GAD2: variants seen among roughly 807,000 people sequenced by gnomAD.
The protein encoded by GAD2 is 65 kDa glutamic acid decarboxylase.
GAD2 carries 22 observed loss-of-function variants against 80.1 expected under a neutral mutation model. The ratio of observed to expected loss-of-function variants is 0.27; its 90% CI spans 0.20 to 0.39. GAD2 has a LOEUF of 0.39. Among genes scored for constraint, GAD2 ranks in the 10% least tolerant of loss-of-function variants. GAD2 has a pLI of 1.00. For synonymous variants in GAD2, 274 were observed against 256.9 expected, an observed-to-expected ratio of 1.07 and a Z score of -0.64; for missense variants, 624 against 738.4, an observed-to-expected ratio of 0.85 and a Z score of 1.80.
chr10:26,228,368 TTC>T (rs1354879352), intron 6 of GAD2, among the ~76,000 whole-genome samples: 17 of 152,192 alleles, frequency 1.1e-4, no homozygotes, highest in Admixed American at 6.5e-5. Flanking sequence ...GGACTGAAAA[TTC>T]TCTTAGTTGT....
At chr10:26,229,510 C>A (rs763172020) in intron 6 of GAD2, 152 bp from the exon 7 acceptor site, 24 of 607,536 alleles carry the variant, frequency 4.0e-5, no homozygotes, top group Non-Finnish European at 6.4e-5. Context: ...TGGGGTAGCG[C>A]CTTTGAGTCT....
Position 26,303,476 on chromosome 10 carries a change from G to GAAATGA in GAD2, c.*2516_*2517insAATGAA, listed in dbSNP as rs1834349750. On this transcript the variant is annotated 3_prime_UTR_variant, in exon 16 of 16. Transcript: ENST00000376261. Reference sequence around the variant, plus strand: ...GGAGGGAGGGAGGGAGGGAAGGAGGGAGGGAGGAAGGAAATGAAGGGAGGG... The same window carrying GAAATGA: ...GGAGGGAGGGAGGGAGGGAAGGAGGGAAATGAAGGGAGGAAGGAAATGAAGGGAGGG... 1 of 57,168 alleles carries GAAATGA rather than the reference G, an allele frequency of 1.7e-5. No individual in the cohort carries two copies. The highest frequency in any genetic ancestry group is 2.6e-4 in the African/African-American group (1 of 3,878). The allele number at this position is 57,168 out of a possible 1,614,324, so 3.5% of individuals were successfully genotyped here. A position where few individuals can be genotyped will look rare whatever the true frequency, so the allele number is the denominator to read the frequency against.
At chr10:26,234,717 G>A (rs1168035904) in intron 7 of GAD2, among the ~76,000 whole-genome samples, 1 of 152,042 alleles carries the variant, frequency 6.6e-6, no homozygotes, top group East Asian at 1.9e-4. Flanking sequence ...CTGTTGGGAG[G>A]GTTCAATTAG....
intron 13 of GAD2, among the ~76,000 whole-genome samples, chr10:26,288,392 C>T (rs1190678984): frequency 6.6e-6 from 1 of 152,152 alleles, no homozygotes; most frequent in Non-Finnish European, 1.5e-5. Context: ...CACTGTGTTG[C>T]CTGGTAATGG....
chr10:26,246,101 TC>T, intron 8 of GAD2, 101 bp downstream of exon 8: 1 of 821,696 alleles, frequency 1.2e-6, no homozygotes, highest in Non-Finnish European at 2.0e-6. Flanking sequence ...GGGCAGCAAG[TC>T]CACCTCCCTC....
chr10:26,219,034 A>G lies in GAD2; in HGVS notation c.287-9A>G, dbSNP rs200836677. ...AATTAAAATGTGGCATTTTAATTTC[A>G]TTCTTTAGACCTGCTGCCGGCGTGT... On this transcript the variant is annotated splice_polypyrimidine_tract_variant and intron_variant, in intron 3 of 15. Transcript: ENST00000376261. The G allele has an allele frequency of 6.8e-5, 104 of 1,530,358 alleles. No homozygotes were observed. The East Asian group carries it at 2.4e-3, about 36-fold the overall frequency. 94.8% of individuals were successfully genotyped at this position (1,530,358 alleles called of 1,614,324 possible). A position where few individuals can be genotyped will look rare whatever the true frequency, so the allele number is the denominator to read the frequency against.
chr10:26,226,648 A>G (rs1033904889), intron 6 of GAD2, among the ~76,000 whole-genome samples: 1 of 152,226 alleles, frequency 6.6e-6, no homozygotes, highest in Non-Finnish European at 1.5e-5. Context: ...GGGGATAGAG[A>G]AAGCCACACA....
chr10:26,293,077 G>A (rs1280162137), intron 15 of GAD2, 86 bp downstream of exon 15: 1 of 1,087,130 alleles, frequency 9.2e-7, no homozygotes, highest in Non-Finnish European at 1.4e-6. Flanking sequence ...TGTGGCCTTA[G>A]GAGACAGCCT....
chr10:26,260,395 G>A (rs1459426862), intron 8 of GAD2, among the ~76,000 whole-genome samples: 2 of 152,234 alleles, frequency 1.3e-5, no homozygotes, highest in African/African-American at 4.8e-5. Context: ...TTGGAGGGCC[G>A]AGGTGGGCAG....
intron 7 of GAD2, among the ~76,000 whole-genome samples, chr10:26,245,339 C>G (rs1255023985): frequency 6.6e-6 from 1 of 150,832 alleles, no homozygotes; most frequent in Non-Finnish European, 1.5e-5. Flanking sequence ...ACCTATGTAA[C>G]AAACCTGCAC....
At chr10:26,225,986 C>A (rs1844517120) in intron 6 of GAD2, among the ~76,000 whole-genome samples, 2 of 152,140 alleles carry the variant, frequency 1.3e-5, no homozygotes, top group African/African-American at 2.4e-5. Context: ...GTACAGAGAT[C>A]CACATCATTT....
At chr10:26,257,011 G>T (rs998199229) in intron 8 of GAD2, among the ~76,000 whole-genome samples, 1 of 152,140 alleles carries the variant, frequency 6.6e-6, no homozygotes, top group Non-Finnish European at 1.5e-5. Flanking sequence ...GTAGGGAAGA[G>T]ATTTTGTCTT....
intron 9 of GAD2, 47 bp downstream of exon 9, chr10:26,269,220 T>C: frequency 6.8e-7 from 1 of 1,467,670 alleles, no homozygotes; most frequent in Non-Finnish European, 9.3e-7. Flanking sequence ...TCTATTTCCA[T>C]CCACCGGAGA....
intron 7 of GAD2, among the ~76,000 whole-genome samples, chr10:26,241,624 A>G (rs942280537): frequency 1.3e-4 from 19 of 151,572 alleles, no homozygotes; most frequent in African/African-American, 4.6e-4. Flanking sequence ...AACTTTCCCC[A>G]ACACGTTACC....
At chr10:26,251,149 C>T (rs1408917579) in intron 8 of GAD2, among the ~76,000 whole-genome samples, 5 of 151,100 alleles carry the variant, frequency 3.3e-5, no homozygotes, top group Admixed American at 6.6e-5. Context: ...CCACCCACCT[C>T]GGCCTCCCAA....
At chr10:26,227,309 G>A (rs1589137597) in intron 6 of GAD2, among the ~76,000 whole-genome samples, 1 of 152,200 alleles carries the variant, frequency 6.6e-6, no homozygotes, top group Non-Finnish European at 1.5e-5. Context: ...ATAAGAGCAG[G>A]TAGGGCTCAC....
chr10:26,237,671 A>G (rs1844691823), intron 7 of GAD2, among the ~76,000 whole-genome samples: 1 of 152,146 alleles, frequency 6.6e-6, no homozygotes, highest in Admixed American at 6.6e-5. Flanking sequence ...TGCTACTTGT[A>G]TAATTTTGAG....
chr10:26,237,174 G>A (rs529144834), intron 7 of GAD2, among the ~76,000 whole-genome samples: 1 of 152,266 alleles, frequency 6.6e-6, no homozygotes, highest in South Asian at 2.1e-4. Flanking sequence ...CTTGTTCTGG[G>A]GAAGAAAGGG....
At chr10:26,243,799 C>T (rs1844772126) in intron 7 of GAD2, among the ~76,000 whole-genome samples, 1 of 152,202 alleles carries the variant, frequency 6.6e-6, no homozygotes, top group Non-Finnish European at 1.5e-5. Context: ...GGTCACTTGT[C>T]CTCTTACCTG....
Sources: allele counts gnomAD v4.1 joint callset (sites outside exome capture counted in the v4.1 genomes callset), GRCh38; gene constraint gnomAD v4.1.1; transcripts MANE v1.5; gene names NCBI Gene and HGNC (gene_info 2026-07-23, HGNC 2026-07-21).